The following TSHZ3 variants were observed in gnomAD, a reference collection of about 807,000 sequenced individuals.
TSHZ3 encodes the protein teashirt homolog 3.
A neutral mutation model predicts 64.5 loss-of-function variants in TSHZ3; 10 were observed. The observed-to-expected ratio is 0.16, with a 90% CI of 0.10 to 0.26. TSHZ3 has a LOEUF of 0.26. TSHZ3 is among the 10% of genes least tolerant of loss of function. The pLI, the probability that TSHZ3 is intolerant of heterozygous loss-of-function variation, is 1.00. For synonymous variants in TSHZ3, 608 were observed against 593.1 expected (o/e 1.03, Z -0.36); for missense variants, 1,242 against 1,421.7 (o/e 0.87, Z 2.03).
rs73552074 is a variant in TSHZ3, at chr19:31,176,025, C to T, written n.810-19608G>A. ...GAAGGGAACCCATGAGGGGCTGCAA[C>T]TTGGGTCTGAGGGGAAAGTTCTGTG... is the stretch of plus-strand genomic sequence containing the variant. On this transcript the variant is annotated intron_variant and non_coding_transcript_variant, in intron 5 of 6. Transcript: ENST00000651361. 1.4e-3 allele frequency among the ~76,000 whole-genome samples: 217 copies of T among 152,336 alleles called. 1 individual carries two copies. The highest frequency in any genetic ancestry group is 4.9e-3 in the African/African-American group (205 of 41,570).
chr19:31,170,646 C>A (rs1203063573), intron 5 of TSHZ3, among the ~76,000 whole-genome samples: 1 of 152,222 alleles, frequency 6.6e-6, no homozygotes, highest in African/African-American at 2.4e-5. Flanking sequence ...AGACTGCAAG[C>A]ATCAGTTTAT....
chr19:31,294,388 C>T (rs1976628093), intron 1 of TSHZ3, among the ~76,000 whole-genome samples: 1 of 151,976 alleles, frequency 6.6e-6, no homozygotes. Flanking sequence ...CCAGCCCTGA[C>T]CCAGCACTCA....
chr19:31,300,414 A>G (rs894140679), intron 1 of TSHZ3, among the ~76,000 whole-genome samples: 1 of 152,234 alleles, frequency 6.6e-6, no homozygotes, highest in Admixed American at 6.5e-5. Flanking sequence ...AATTTGGGGC[A>G]GTTGGATATG....
chr19:31,175,738 G>A (rs1213256013), intron 5 of TSHZ3, among the ~76,000 whole-genome samples: 3 of 152,262 alleles, frequency 2.0e-5, no homozygotes, highest in Non-Finnish European at 4.4e-5. Flanking sequence ...CTGTGTGTCT[G>A]CTCTCTGTTG....
At chr19:31,226,977 CTTTTTTTTTTTTTT>C (rs3030229) in intron 4 of TSHZ3, among the ~76,000 whole-genome samples, 1 of 65,680 alleles carries the variant, frequency 1.5e-5, no homozygotes, top group Non-Finnish European at 2.4e-5. Flanking sequence ...TTCTTTCTTT[CTTTTTTTTTTTTTT>C]TTTTTGAGAT....
At chr19:31,306,732 CT>C (rs1202771140) in intron 1 of TSHZ3, among the ~76,000 whole-genome samples, 2 of 152,106 alleles carry the variant, frequency 1.3e-5, no homozygotes, top group Non-Finnish European at 2.9e-5. Flanking sequence ...ACTAATTATG[CT>C]TCTAAATATG....
intron 5 of TSHZ3, among the ~76,000 whole-genome samples, chr19:31,163,342 T>A (rs992290452): frequency 2.6e-5 from 4 of 152,200 alleles, no homozygotes; most frequent in African/African-American, 9.6e-5. Context: ...GGGCCTTGAA[T>A]GCCAATTTTT....
intron 3 of TSHZ3, among the ~76,000 whole-genome samples, chr19:31,230,992 G>A (rs1417504582): frequency 6.6e-6 from 1 of 151,692 alleles, no homozygotes; most frequent in Non-Finnish European, 1.5e-5. Flanking sequence ...ATGAGCCACC[G>A]CCGCTGGCCC....
rs115870595 is a variant in TSHZ3 at position 31,161,533 on chromosome 19, C to T, written n.810-5116G>A. Among the ~76,000 whole-genome samples the T allele has an allele frequency of 3.7e-3, 567 of 152,230 alleles. 3 individuals are homozygous for T. Among genetic ancestry groups the T allele is most frequent in the African/African-American group, 0.011 (473 of 41,540 alleles). On this transcript the variant is annotated intron_variant and non_coding_transcript_variant, in intron 5 of 6. Transcript: ENST00000651361. ...CCCACAGTTTCTCCTCTTTAGAATT[C>T]GCTCTTTACTTGACCTCCCTTAGGC...
intron 1 of TSHZ3, chr19:31,308,612 T>TG (rs1296270086): frequency 5.0e-6 from 2 of 398,430 alleles, no homozygotes; most frequent in Non-Finnish European, 8.8e-6. Context: ...CCAGGTGTTT[T>TG]AGGCTCCACA....
chr19:31,290,950 G>C (rs751145932), intron 1 of TSHZ3, among the ~76,000 whole-genome samples: 1 of 152,196 alleles, frequency 6.6e-6, no homozygotes, highest in African/African-American at 2.4e-5. Context: ...TAATGTGTGA[G>C]ATGAATGCTT....
intron 4 of TSHZ3, among the ~76,000 whole-genome samples, chr19:31,219,927 T>A (rs1382873519): frequency 6.6e-6 from 1 of 151,860 alleles, no homozygotes; most frequent in Non-Finnish European, 1.5e-5. Context: ...TATATTCAAT[T>A]GATCTTTGGA....
chr19:31,277,732 C>T lies in TSHZ3; in HGVS notation c.2061G>A (p.Pro687=), dbSNP rs200176289. ...GCKDGSPLAE[P]VENGKELVKP... ...TCACCAGCTCCTTGCCATTCTCCAC[C>T]GGCTCAGCGAGGGGGCTCCCATCCT... Residue 687 remains proline, a synonymous_variant, in exon 2 of 2, where the codon CCG becomes CCA. Transcript: ENST00000240587. This position sits in a 1 kb window ranked among gnomAD's most constrained non-coding sequence, Gnocchi z 4.5. 9.2e-6 allele frequency: 14 copies of T among 1,522,080 alleles called. No homozygotes were observed. The Admixed American group carries it at 1.3e-4, about 15-fold the overall frequency. 94.3% of individuals were successfully genotyped at this position (1,522,080 alleles called of 1,614,324 possible). A position where few individuals can be genotyped will look rare whatever the true frequency, so the allele number is the denominator to read the frequency against.
intron 1 of TSHZ3, among the ~76,000 whole-genome samples, chr19:31,251,015 G>T (rs1050395039): frequency 5.9e-5 from 9 of 152,108 alleles, no homozygotes; most frequent in African/African-American, 2.2e-4. Flanking sequence ...GGGAAGCTGA[G>T]GGTAGAGCCT....
At chr19:31,206,181 A>G (rs1975170389) in intron 4 of TSHZ3, among the ~76,000 whole-genome samples, 1 of 152,072 alleles carries the variant, frequency 6.6e-6, no homozygotes, top group Admixed American at 6.6e-5. Context: ...CGATGAGTGG[A>G]CAGATGAATG....
chr19:31,159,701 CT>C (rs34888567), intron 5 of TSHZ3, among the ~76,000 whole-genome samples: 2 of 150,378 alleles, frequency 1.3e-5, no homozygotes, highest in African/African-American at 2.4e-5. Flanking sequence ...TATTTTTTTT[CT>C]TTTTTTTTCA....
In TSHZ3 at chr19:31,212,439, C is replaced by CA. The variant is rs1295968205; in HGVS notation, n.687-7362dup. 2.6e-5 allele frequency among the ~76,000 whole-genome samples: 4 copies of CA among 152,170 alleles called. No homozygotes were observed. The East Asian group carries it at 7.7e-4, about 29-fold the overall frequency. On this transcript the variant is annotated intron_variant and non_coding_transcript_variant, in intron 4 of 6. Transcript: ENST00000651361. ...CACCACTGCACTCCAGCCTGGGTGA[C>CA]AGAGTGAAACTGTGTCTCAAAAATA...
exon 7 of TSHZ3, among the ~76,000 whole-genome samples, chr19:31,150,275 G>A (rs528303544): frequency 7.7e-4 from 117 of 152,268 alleles, no homozygotes; most frequent in African/African-American, 2.7e-3. Context: ...AGCCAGTCCC[G>A]GGCTCTTTCT....
Position 31,213,914 on chromosome 19 carries a change from A to G in TSHZ3, n.687-8836T>C, listed in dbSNP as rs575232327. Among the ~76,000 whole-genome samples, 4 of 152,332 alleles carry G rather than the reference A, an allele frequency of 2.6e-5. No homozygotes were observed. In the East Asian group the frequency reaches 7.7e-4, roughly 29 times the overall value. ...ATTATCTTCCTTTGAGGATTTGAGA[A>G]AAGTTTTCAAATTGCGACAATTTAG... On this transcript the variant is annotated intron_variant and non_coding_transcript_variant, in intron 4 of 6. Coordinates refer to the TSHZ3 transcript ENST00000651361.
Sources: gnomAD v4.1 joint callset for allele counts (sites outside exome capture counted in the v4.1 genomes callset) on GRCh38, gnomAD v4.1.1 for gene constraint, Gnocchi (gnomAD v3.1) non-coding constraint, MANE v1.5 for transcripts, NCBI Gene and HGNC (gene_info 2026-07-23, HGNC 2026-07-21) for gene names.